Variants in FIG4 observed in about 807,000 individuals in gnomAD.
FIG4 encodes the protein FIG4 phosphoinositide 5-phosphatase.
A neutral mutation model predicts 118.6 loss-of-function variants in FIG4; 112 were observed. The ratio of observed to expected loss-of-function variants is 0.94; its 90% CI spans 0.81 to 1.11. The LOEUF is 1.11. Among genes scored for constraint, FIG4 ranks in the 50% least tolerant of loss-of-function variants. FIG4 has a pLI of 0.00. For missense variants in FIG4, 969 were observed against 1,111.7 expected (o/e 0.87, Z 1.83); for synonymous variants, 369 against 381.2 (o/e 0.97, Z 0.37).
chr6:109,711,105 C>G (rs985416718), intron 1 of FIG4, among the ~76,000 whole-genome samples: 1 of 152,062 alleles, frequency 6.6e-6, no homozygotes, highest in Non-Finnish European at 1.5e-5. Flanking sequence ...TCTCTAAAAA[C>G]TTGCTTTATT....
chr6:109,786,891 T>C lies in FIG4; in HGVS notation c.2096+442T>C, dbSNP rs148612842. Among the ~76,000 whole-genome samples the C allele has an allele frequency of 1.6e-4, 25 of 152,260 alleles. No homozygotes were observed. In the East Asian group the frequency reaches 4.8e-3, roughly 29 times the overall value. On this transcript the variant is annotated intron_variant, in intron 18 of 22. Transcript: ENST00000230124. ...TTTTCTTAATCTGTCTTTCTCTGTC[T>C]CTCTTCTTTCTCTCTCCCCCACACA... is the stretch of plus-strand genomic sequence containing the variant.
chr6:109,721,315 C>G (rs1449178851), intron 3 of FIG4, among the ~76,000 whole-genome samples: 2 of 151,968 alleles, frequency 1.3e-5, no homozygotes, highest in East Asian at 3.9e-4. Context: ...GCACTGGGTA[C>G]CTTGCGGGGG....
intron 22 of FIG4, among the ~76,000 whole-genome samples, chr6:109,800,462 C>T (rs1356505323): frequency 1.3e-5 from 2 of 152,208 alleles, no homozygotes; most frequent in Admixed American, 6.5e-5. Context: ...GGCAAGCATA[C>T]TTTGCTTGAC....
At chr6:109,797,119 G>T (rs1778310507) in intron 22 of FIG4, among the ~76,000 whole-genome samples, 1 of 152,154 alleles carries the variant, frequency 6.6e-6, no homozygotes, top group South Asian at 2.1e-4. Context: ...CCTCCACTGG[G>T]TAGAAGTGGG....
rs1562687535 is a variant in FIG4 at position 109,792,669 on chromosome 6, G to GATA, written c.2459+6_2459+8dup. ...AGATTTCTCCATTTATTCAAGGTGA[G>GATA]ATACTTTCATGTAGATATTAAAGAA... On this transcript the variant is annotated splice_donor_region_variant and intron_variant, in intron 21 of 22. Coordinates refer to ENST00000230124, the MANE Select transcript of FIG4 (RefSeq NM_014845.6). 3 of 1,473,546 alleles carry GATA rather than the reference G, an allele frequency of 2.0e-6. No individual in the cohort carries two copies. The highest frequency in any genetic ancestry group is 2.8e-6 in the Non-Finnish European group (3 of 1,058,500). 91.3% of individuals were successfully genotyped at this position (1,473,546 alleles called of 1,614,324 possible). A position where few individuals can be genotyped will look rare whatever the true frequency, so the allele number is the denominator to read the frequency against.
intron 2 of FIG4, 129 bp from the exon 3 acceptor site, chr6:109,716,316 T>A: frequency 1.1e-6 from 1 of 882,034 alleles, no homozygotes; most frequent in East Asian, 2.7e-5. Flanking sequence ...AGCTTACTTG[T>A]GTACTATTAT....
intron 1 of FIG4, among the ~76,000 whole-genome samples, chr6:109,694,495 CAT>C (rs745760552): frequency 6.6e-6 from 1 of 152,128 alleles, no homozygotes. Flanking sequence ...CAGAAGAAAA[CAT>C]AGGGGAAATG....
chr6:109,822,787 G>GTGTA (rs1554313769), intron 22 of FIG4, among the ~76,000 whole-genome samples: 5 of 120,434 alleles, frequency 4.2e-5, no homozygotes, highest in African/African-American at 9.6e-5. Context: ...GTGTGTGTAT[G>GTGTA]TATATATATA....
At chr6:109,808,876 A>G (rs1331974342) in intron 22 of FIG4, among the ~76,000 whole-genome samples, 1 of 152,178 alleles carries the variant, frequency 6.6e-6, no homozygotes, top group African/African-American at 2.4e-5. Flanking sequence ...GTCTTAACAA[A>G]TGTGATTTTT....
chr6:109,763,638 T>G (rs1341119759), intron 12 of FIG4, among the ~76,000 whole-genome samples: 1 of 152,198 alleles, frequency 6.6e-6, no homozygotes, highest in African/African-American at 2.4e-5. Flanking sequence ...GAATTGGGTT[T>G]GAATGAAAGC....
intron 15 of FIG4, among the ~76,000 whole-genome samples, chr6:109,772,998 G>A (rs1777512303): frequency 6.6e-6 from 1 of 152,170 alleles, no homozygotes; most frequent in Non-Finnish European, 1.5e-5. Flanking sequence ...CTCATTGTTG[G>A]CAGAATTCCA....
chr6:109,788,656 A>G (rs1051195324), intron 18 of FIG4, among the ~76,000 whole-genome samples: 1 of 152,242 alleles, frequency 6.6e-6, no homozygotes, highest in African/African-American at 2.4e-5. Context: ...GGAATGTGCA[A>G]ATGAAAACGA....
chr6:109,770,866 G>A (rs1777438192), intron 15 of FIG4, among the ~76,000 whole-genome samples: 1 of 152,188 alleles, frequency 6.6e-6, no homozygotes, highest in South Asian at 2.1e-4. Context: ...CACAGGGTCA[G>A]GGTTTCAAAG....
chr6:109,745,899 T>TTTCTTC (rs1370119092), intron 10 of FIG4, among the ~76,000 whole-genome samples: 1 of 152,172 alleles, frequency 6.6e-6, no homozygotes, highest in Non-Finnish European at 1.5e-5. Flanking sequence ...TAGAAAAAGC[T>TTTCTTC]ACTTTAAATT....
chr6:109,727,502 A>G (rs2093580358), intron 4 of FIG4, among the ~76,000 whole-genome samples: 1 of 152,164 alleles, frequency 6.6e-6, no homozygotes, highest in African/African-American at 2.4e-5. Context: ...TTTTGTTAAG[A>G]GCTGTTAAAG....
chr6:109,704,390 T>C (rs1562636476), intron 1 of FIG4, among the ~76,000 whole-genome samples: 1 of 152,086 alleles, frequency 6.6e-6, no homozygotes. Context: ...GCATGGTGGC[T>C]CATGCCTGTA....
intron 1 of FIG4, among the ~76,000 whole-genome samples, chr6:109,714,188 G>A (rs1253489464): frequency 6.6e-6 from 1 of 152,150 alleles, no homozygotes; most frequent in Non-Finnish European, 1.5e-5. Context: ...AGGCCTTGGC[G>A]AGAGTAAGTT....
At position 109,795,095 on chromosome 6, in the gene FIG4, G is replaced by GTT. The variant is rs571649446; in HGVS notation, c.2460-1631_2460-1630dup. ...TCCTCAAAGCTTCATACACTTGCCAGTTTTTTTTTTTTTTTTTTTTTTTTT... is the reference window on the plus strand; with the variant it reads ...TCCTCAAAGCTTCATACACTTGCCAGTTTTTTTTTTTTTTTTTTTTTTTTTTT... On this transcript the variant is annotated intron_variant, in intron 21 of 22. Transcript: ENST00000230124. Among the ~76,000 whole-genome samples the GTT allele has an allele frequency of 6.3e-4, 36 of 57,250 alleles. 10 individuals carry two copies. Among genetic ancestry groups the GTT allele is most frequent in the South Asian group, 2.1e-3 (3 of 1,446 alleles). The allele number at this position is 57,250 out of a possible 152,430, so 37.6% of individuals were successfully genotyped here.
rs1417300017 is a variant in FIG4 at position 109,727,137 on chromosome 6, T to C, written c.318T>C (p.Tyr106=). The C allele has an allele frequency of 1.2e-6, 2 of 1,611,286 alleles. No individual in the cohort carries two copies. Among genetic ancestry groups the C allele is most frequent in the Non-Finnish European group, 1.7e-6 (2 of 1,177,558 alleles). Residue 106 remains tyrosine, a synonymous_variant, in exon 4 of 23, where the codon TAT becomes TAC. Transcript: ENST00000230124. ...TTGTCAGGTTCTTAGAAGGCTATTATATTGTGTTAATAACTAAAAGGAGGA... is the reference window on the plus strand; with the variant it reads ...TTGTCAGGTTCTTAGAAGGCTATTACATTGTGTTAATAACTAAAAGGAGGA... ...VGFVRFLEGY[Y]IVLITKRRKM...
Sources: gnomAD v4.1 joint callset for allele counts (sites outside exome capture counted in the v4.1 genomes callset) on GRCh38, gnomAD v4.1.1 for gene constraint, MANE v1.5 for transcripts, NCBI Gene and HGNC (gene_info 2026-07-23, HGNC 2026-07-21) for gene names.